LY96: variants seen among roughly 807,000 people sequenced by gnomAD.
LY96 encodes lymphocyte antigen 96.
Under a neutral mutation model 18.9 loss-of-function variants are expected in LY96, and 18 were observed. That is an observed-to-expected ratio of 0.95 (90% CI 0.66 to 1.41). LY96 has a LOEUF of 1.41. Among genes scored for constraint, LY96 ranks in the 40% most tolerant of loss-of-function variants. The probability of loss-of-function intolerance (pLI) is 0.00; values close to 1 mark genes in which losing one functional copy is unlikely to be tolerated. For synonymous variants in LY96, 66 were observed against 62.6 expected, an observed-to-expected ratio of 1.06 and a Z score of -0.26; for missense variants, 175 against 182.4, an observed-to-expected ratio of 0.96 and a Z score of 0.23.
chr8:74,080,965 CTTCTTTCTTTCTTTCTCTCTCT>C, the LY96 span, among the ~76,000 whole-genome samples: 2 of 150,496 alleles, frequency 1.3e-5, no homozygotes, highest in Middle Eastern at 3.4e-3. Context: ...TGTCTTGTGC[CTTCTTTCTTTCTTTCTCTCTCT>C]TTCTTTCTTT....
the LY96 span, among the ~76,000 whole-genome samples, chr8:74,092,496 C>A: frequency 6.6e-6 from 1 of 152,174 alleles, no homozygotes; most frequent in Non-Finnish European, 1.5e-5. Flanking sequence ...TCCATCACAT[C>A]CACTGACTCC....
chr8:74,058,523 CTTTTTTT>C, the LY96 span, among the ~76,000 whole-genome samples: 12 of 139,618 alleles, frequency 8.6e-5, no homozygotes, highest in East Asian at 1.3e-3. Flanking sequence ...GAAAGTTTTT[CTTTTTTT>C]TTTTTTTTGG....
At chr8:74,040,301 C>T in the LY96 span, among the ~76,000 whole-genome samples, 2 of 152,078 alleles carry the variant, frequency 1.3e-5, no homozygotes, top group South Asian at 4.1e-4. Flanking sequence ...CAGTTTGTGC[C>T]TTCAGGCTCT....
At chr8:74,007,813 G>A (rs995949873) in intron 2 of LY96, among the ~76,000 whole-genome samples, 1 of 152,174 alleles carries the variant, frequency 6.6e-6, no homozygotes, top group Admixed American at 6.5e-5. Context: ...AGGCTGGAGT[G>A]CAGTGGCGTG....
the LY96 span, among the ~76,000 whole-genome samples, chr8:74,092,622 C>T: frequency 2.0e-5 from 3 of 152,196 alleles, no homozygotes; most frequent in African/African-American, 7.2e-5. Context: ...CTCTCTTCCA[C>T]TCCTCCTAGG....
chr8:74,037,236 G>A, the LY96 span, among the ~76,000 whole-genome samples: 3 of 152,164 alleles, frequency 2.0e-5, no homozygotes, highest in African/African-American at 7.2e-5. Flanking sequence ...ATGTAAACGA[G>A]GAATGTTGCC....
chr8:74,021,451 G>T (rs1410698779), intron 3 of LY96, among the ~76,000 whole-genome samples: 1 of 152,204 alleles, frequency 6.6e-6, no homozygotes, highest in East Asian at 1.9e-4. Flanking sequence ...GGAGAAATAG[G>T]AATGCTTTTA....
intron 3 of LY96, among the ~76,000 whole-genome samples, chr8:74,011,357 G>T (rs918896755): frequency 6.6e-6 from 1 of 152,124 alleles, no homozygotes; most frequent in Non-Finnish European, 1.5e-5. Context: ...CAAAAGCACA[G>T]GCAATAAAGA....
At position 74,026,229 on chromosome 8, in the gene LY96, A is replaced by G. The variant is rs1337846751; in HGVS notation, c.332-560A>G. On this transcript the variant is annotated intron_variant, in intron 3 of 4. Coordinates refer to ENST00000284818, the MANE Select transcript of LY96 (RefSeq NM_015364.5). Reference sequence around the variant, plus strand: ...CTATCTTTACCCCACCACATTCACTACTTTGTTCTGACTGGAACAGTAGGA... The same window carrying G: ...CTATCTTTACCCCACCACATTCACTGCTTTGTTCTGACTGGAACAGTAGGA... Among the ~76,000 whole-genome samples the G allele has an allele frequency of 3.3e-5, 5 of 152,292 alleles. 1 individual carries two copies. In the East Asian group the frequency reaches 5.8e-4, roughly 18 times the overall value.
chr8:73,999,348 C>T (rs1816217041), intron 1 of LY96, among the ~76,000 whole-genome samples: 1 of 152,182 alleles, frequency 6.6e-6, no homozygotes, highest in African/African-American at 2.4e-5. Flanking sequence ...TCACTGCTGT[C>T]TTGACCTTCT....
chr8:74,022,518 A>G (rs1381318294), intron 3 of LY96, among the ~76,000 whole-genome samples: 1 of 150,452 alleles, frequency 6.6e-6, no homozygotes. Context: ...CCTTCCACCT[A>G]CCTGAACTGC....
the LY96 span, among the ~76,000 whole-genome samples, chr8:74,081,147 T>TC: frequency 1.4e-5 from 2 of 139,088 alleles, no homozygotes; most frequent in East Asian, 3.9e-4. Flanking sequence ...CCTTCCTTCT[T>TC]TCTTTCTTTC....
At chr8:74,038,545 T>C in the LY96 span, among the ~76,000 whole-genome samples, 3 of 152,216 alleles carry the variant, frequency 2.0e-5, no homozygotes, top group Non-Finnish European at 2.9e-5. Flanking sequence ...TCTTGTTTTT[T>C]AATTTTTAAT....
At chr8:74,071,658 A>G in the LY96 span, among the ~76,000 whole-genome samples, 8 of 152,194 alleles carry the variant, frequency 5.3e-5, no homozygotes, top group African/African-American at 1.7e-4. Flanking sequence ...CTCCAGGCCT[A>G]CCTAGAGGCT....
intron 3 of LY96, among the ~76,000 whole-genome samples, chr8:74,010,930 T>G (rs1816518890): frequency 6.6e-6 from 1 of 152,054 alleles, no homozygotes; most frequent in African/African-American, 2.4e-5. Flanking sequence ...AATTGTGCAT[T>G]TCTTTTACAC....
the LY96 span, among the ~76,000 whole-genome samples, chr8:74,045,100 A>G: frequency 4.8e-4 from 73 of 152,372 alleles, no homozygotes; most frequent in African/African-American, 1.6e-3. Flanking sequence ...GAAATCCAGA[A>G]TAGATAATAT....
Position 73,991,526 on chromosome 8 carries a change from C to T in LY96, c.84C>T (p.Ser28=), listed in dbSNP as rs200677412. Residue 28 remains serine, a synonymous_variant, in exon 1 of 5, where the codon TCC becomes TCT. Transcript: ENST00000284818. ...AQKQYWVCNS[S]DASISYTYCD... is the part of the protein sequence containing the mutation. ...AGCAGTATTGGGTCTGCAACTCATC[C>T]GATGCAAGTATTTCATACACCTACT... 32 of 1,609,576 alleles carry T rather than the reference C, an allele frequency of 2.0e-5. No homozygotes were observed. Among genetic ancestry groups the T allele is most frequent in the East Asian group, 8.9e-5 (4 of 44,854 alleles).
the LY96 span, among the ~76,000 whole-genome samples, chr8:74,096,781 A>C: frequency 6.6e-6 from 1 of 152,200 alleles, no homozygotes; most frequent in Non-Finnish European, 1.5e-5. Flanking sequence ...GAATGAATGA[A>C]AGAAAGCTAT....
At chr8:74,041,639 G>A in the LY96 span, among the ~76,000 whole-genome samples, 14 of 152,306 alleles carry the variant, frequency 9.2e-5, no homozygotes, top group Non-Finnish European at 1.9e-4. Context: ...TGTCTTATGC[G>A]GTTGAGATGA....
Sources: gnomAD v4.1 joint callset for allele counts (sites outside exome capture counted in the v4.1 genomes callset) on GRCh38, gnomAD v4.1.1 for gene constraint, MANE v1.5 for transcripts, NCBI Gene and HGNC (gene_info 2026-07-23, HGNC 2026-07-21) for gene names.